CEP112: variants seen among roughly 807,000 people sequenced by gnomAD.
The protein encoded by CEP112 is centrosomal protein 112, also known as centrosomal protein of 112 kDa.
Under a neutral mutation model 153.0 loss-of-function variants are expected in CEP112, and 127 were observed. The observed-to-expected ratio is 0.83, with a 90% CI of 0.72 to 0.96. The LOEUF (loss-of-function observed/expected upper bound fraction) is 0.96, where lower values mean the gene tolerates loss of function less well. CEP112 is among the 40% of genes least tolerant of loss of function. CEP112 has a pLI of 0.00. For missense variants in CEP112, 1,089 were observed against 1,101.2 expected (o/e 0.99, Z 0.16); for synonymous variants, 358 against 374.4 (o/e 0.96, Z 0.51).
At chr17:65,670,428 T>C (rs1287573586) in intron 24 of CEP112, among the ~76,000 whole-genome samples, 1 of 151,936 alleles carries the variant, frequency 6.6e-6, no homozygotes, top group Non-Finnish European at 1.5e-5. Flanking sequence ...AGTATATTAA[T>C]ATACACAAAT....
At chr17:66,121,435 C>T (rs954598036) in intron 6 of CEP112, among the ~76,000 whole-genome samples, 4 of 152,164 alleles carry the variant, frequency 2.6e-5, no homozygotes, top group Non-Finnish European at 4.4e-5. Context: ...ATTCTTCAAA[C>T]GTATTTTCTG....
In CEP112 at chr17:66,175,201, C is replaced by T. The variant is rs2072420550; in HGVS notation, c.313G>A (p.Glu105Lys). ...LPSYMSIYFD[E>K]PNPARAKGSS... Reference sequence around the variant, plus strand: ...CCTTTTGCTCGTGCTGGATTTGGTTCATCAAAATAGATGGACTGATTTTTT... The same window carrying T: ...CCTTTTGCTCGTGCTGGATTTGGTTTATCAAAATAGATGGACTGATTTTTT... Residue 105 changes from glutamate to lysine, a missense_variant, in exon 4 of 27, where the codon GAA becomes AAA. Glu to Lys is a moderately conservative substitution (Grantham distance 56). Transcript: ENST00000535342. The T allele has an allele frequency of 2.5e-6, 4 of 1,585,446 alleles. No homozygotes were observed. Among genetic ancestry groups the T allele is most frequent in the Non-Finnish European group, 3.4e-6 (4 of 1,167,694 alleles).
chr17:65,929,318 T>C (rs1349710751), intron 18 of CEP112, among the ~76,000 whole-genome samples: 1 of 152,126 alleles, frequency 6.6e-6, no homozygotes, highest in Non-Finnish European at 1.5e-5. Context: ...TCACAGCTCA[T>C]CTCTACTGCT....
At chr17:65,846,576 T>C (rs1055219563) in intron 21 of CEP112, among the ~76,000 whole-genome samples, 1 of 152,232 alleles carries the variant, frequency 6.6e-6, no homozygotes, top group East Asian at 1.9e-4. Flanking sequence ...TGTTTTGTTT[T>C]GTTTTGTTTT....
At chr17:65,968,380 G>A (rs145633206) in intron 17 of CEP112, among the ~76,000 whole-genome samples, 9 of 152,128 alleles carry the variant, frequency 5.9e-5, no homozygotes, top group Non-Finnish European at 1.0e-4. Flanking sequence ...TCATCACTAT[G>A]CACAAATAGA....
intron 17 of CEP112, among the ~76,000 whole-genome samples, chr17:65,969,548 A>G (rs1415152706): frequency 6.6e-6 from 1 of 151,934 alleles, no homozygotes; most frequent in Non-Finnish European, 1.5e-5. Context: ...TACTTAAATG[A>G]ATATTGTGTG....
chr17:66,140,791 C>A (rs570221327), intron 4 of CEP112, among the ~76,000 whole-genome samples: 16 of 152,178 alleles, frequency 1.1e-4, no homozygotes, highest in African/African-American at 3.6e-4. Flanking sequence ...GCACACACCA[C>A]CACGCCTGGC....
chr17:65,808,912 A>T (rs1231273460), intron 21 of CEP112, among the ~76,000 whole-genome samples: 3 of 152,198 alleles, frequency 2.0e-5, no homozygotes, highest in East Asian at 3.8e-4. Flanking sequence ...GATTAATGTC[A>T]TCATTGCAGA....
At chr17:65,969,606 T>C (rs2062566894) in intron 17 of CEP112, among the ~76,000 whole-genome samples, 1 of 152,220 alleles carries the variant, frequency 6.6e-6, no homozygotes, top group Non-Finnish European at 1.5e-5. Context: ...GCACGAATAT[T>C]ACATGTGTGC....
chr17:65,757,356 G>T (rs1325510452), intron 21 of CEP112, among the ~76,000 whole-genome samples: 1 of 152,134 alleles, frequency 6.6e-6, no homozygotes, highest in African/African-American at 2.4e-5. Flanking sequence ...CATTATCTCT[G>T]CAAAGTAGGA....
intron 19 of CEP112, among the ~76,000 whole-genome samples, chr17:65,910,751 C>T (rs1420312035): frequency 2.6e-5 from 4 of 152,028 alleles, no homozygotes; most frequent in African/African-American, 9.7e-5. Context: ...AAAGAAAATC[C>T]ATGTAAACAC....
At position 65,743,120 on chromosome 17, in the gene CEP112, T is replaced by G. The variant is rs749906317; in HGVS notation, c.2555A>C (p.Lys852Thr). Reference protein sequence around the residue: ...AERRLQDVRQKFEDEKKQLIR... With the variant: ...AERRLQDVRQTFEDEKKQLIR... ...CAGCTGCTTCTTCTCATCTTCAAAC[T>G]TTTGTCTAACATCCTGGAGCCGCCT... Residue 852 changes from lysine (K) to threonine (T), a missense_variant, in exon 23 of 27, where the codon AAG becomes ACG. Coordinates refer to ENST00000535342, the MANE Select transcript of CEP112 (RefSeq NM_001199165.4). The G allele has an allele frequency of 6.2e-7, 1 of 1,612,570 alleles. No individual in the cohort carries two copies. Among genetic ancestry groups the G allele is most frequent in the South Asian group, 1.1e-5 (1 of 90,588 alleles).
intron 23 of CEP112, among the ~76,000 whole-genome samples, chr17:65,731,749 C>T (rs1355298360): frequency 6.6e-6 from 1 of 152,242 alleles, no homozygotes. Flanking sequence ...GCAATGTTCA[C>T]AGCATCTTCA....
At chr17:66,015,823 T>C (rs957617281) in intron 16 of CEP112, among the ~76,000 whole-genome samples, 4 of 152,220 alleles carry the variant, frequency 2.6e-5, no homozygotes, top group African/African-American at 9.6e-5. Context: ...TATCTTTAGT[T>C]ATTTTTGTGT....
At chr17:65,713,823 C>G (rs111272397) in intron 23 of CEP112, among the ~76,000 whole-genome samples, 2 of 151,948 alleles carry the variant, frequency 1.3e-5, no homozygotes, top group Admixed American at 6.6e-5. Flanking sequence ...CTCCTGACCT[C>G]GTGATCCGCC....
chr17:66,123,665 A>G (rs893127855), intron 6 of CEP112, among the ~76,000 whole-genome samples: 5 of 152,224 alleles, frequency 3.3e-5, no homozygotes, highest in Non-Finnish European at 7.3e-5. Context: ...CTTTTCTAAA[A>G]TAAGTATTTC....
chr17:65,740,461 T>C (rs1211502612), intron 23 of CEP112, among the ~76,000 whole-genome samples: 2 of 152,204 alleles, frequency 1.3e-5, no homozygotes, highest in Non-Finnish European at 2.9e-5. Flanking sequence ...CAAATTATCC[T>C]CAAGAAATGT....
At chr17:65,654,056 C>CAAAAAAAAAAAAAAAAAAAAAAA (rs773433478) in intron 24 of CEP112, among the ~76,000 whole-genome samples, 11 of 26,880 alleles carry the variant, frequency 4.1e-4, no homozygotes, top group African/African-American at 6.4e-4. Flanking sequence ...AAGACTCCAT[C>CAAAAAAAAAAAAAAAAAAAAAAA]AAAAAAAAAA....
At chr17:65,875,284 A>G (rs2058789305) in intron 20 of CEP112, among the ~76,000 whole-genome samples, 1 of 152,098 alleles carries the variant, frequency 6.6e-6, no homozygotes. Context: ...TGCATTGCCA[A>G]AAGTTTTCTT....
Sources: allele counts gnomAD v4.1 joint callset (sites outside exome capture counted in the v4.1 genomes callset), GRCh38; gene constraint gnomAD v4.1.1; transcripts MANE v1.5; gene names NCBI Gene and HGNC (gene_info 2026-07-23, HGNC 2026-07-21).